The following CDH8 variants were observed in gnomAD, a reference collection of about 807,000 sequenced individuals.
CDH8 encodes the protein cadherin-8.
A neutral mutation model predicts 68.1 loss-of-function variants in CDH8; 17 were observed. The observed-to-expected ratio is 0.25, with a 90% CI of 0.17 to 0.37. CDH8 has a LOEUF of 0.37. Ranked by LOEUF, CDH8 falls within the 10% of genes least tolerant of loss-of-function variation. The pLI is 1.00. For missense variants in CDH8, 763 were observed against 999.3 expected (o/e 0.76, Z 3.19); for synonymous variants, 372 against 365.1 (o/e 1.02, Z -0.21).
chr16:61,815,578 T>G (rs1596991749), intron 7 of CDH8, among the ~76,000 whole-genome samples: 1 of 152,292 alleles, frequency 6.6e-6, no homozygotes, highest in South Asian at 2.1e-4. Context: ...GTAGTCCATG[T>G]TGGGAGCTTA....
intron 2 of CDH8, among the ~76,000 whole-genome samples, chr16:61,903,219 GATT>G (rs763247347): frequency 7.9e-5 from 12 of 152,184 alleles, no homozygotes; most frequent in Non-Finnish European, 1.2e-4. Context: ...AATAGCCTCT[GATT>G]ATTAAATGAT....
intron 4 of CDH8, among the ~76,000 whole-genome samples, chr16:61,837,003 G>T (rs1962582810): frequency 6.6e-6 from 1 of 151,880 alleles, no homozygotes; most frequent in South Asian, 2.1e-4. Context: ...TACCCTCCTT[G>T]ACCCTTTTGT....
chr16:62,021,078 A>T, intron 2 of CDH8, 74 bp downstream of exon 2: 2 of 1,302,264 alleles, frequency 1.5e-6, no homozygotes, highest in Non-Finnish European at 2.2e-6. Context: ...GGTCACAATT[A>T]AAAAGAGTCT....
intron 2 of CDH8, among the ~76,000 whole-genome samples, chr16:61,956,044 CACTTAACTA>C (rs1319886140): frequency 6.6e-6 from 1 of 152,144 alleles, no homozygotes; most frequent in Non-Finnish European, 1.5e-5. Context: ...TGTATCCAAT[CACTTAACTA>C]CATTAGTGTT....
rs77432822 is a variant in CDH8, at chr16:61,789,486, C to G, written c.1278-4G>C. 3.7e-6 allele frequency: 6 copies of G among 1,611,946 alleles called. No individual in the cohort carries two copies. Among genetic ancestry groups the G allele is most frequent in the Non-Finnish European group, 5.1e-6 (6 of 1,178,760 alleles). On this transcript the variant is annotated splice_region_variant and splice_polypyrimidine_tract_variant and intron_variant, in intron 7 of 11. Transcript: ENST00000577390. ...AGTGTGCCGGTCGATGGAAAACCTA[C>G]AAAACAGACACATCTGTAATCTACT...
intron 4 of CDH8, among the ~76,000 whole-genome samples, chr16:61,850,847 C>T (rs561846767): frequency 3.9e-5 from 6 of 152,050 alleles, no homozygotes; most frequent in Non-Finnish European, 5.9e-5. Flanking sequence ...GCAAACATCC[C>T]TATGTCATGA....
At chr16:61,919,722 C>T (rs1015781370) in intron 2 of CDH8, among the ~76,000 whole-genome samples, 8 of 151,870 alleles carry the variant, frequency 5.3e-5, no homozygotes, top group South Asian at 4.2e-4. Flanking sequence ...GAGAATGGAA[C>T]CAAGTTGGAA....
intron 2 of CDH8, among the ~76,000 whole-genome samples, chr16:61,951,129 G>T (rs1364740016): frequency 2.0e-5 from 3 of 150,444 alleles, no homozygotes; most frequent in African/African-American, 7.3e-5. Flanking sequence ...ATCATGGCAG[G>T]TATATTTGAA....
intron 1 of CDH8, among the ~76,000 whole-genome samples, chr16:62,023,089 T>C (rs1902112807): frequency 6.6e-6 from 1 of 152,092 alleles, no homozygotes; most frequent in Non-Finnish European, 1.5e-5. Flanking sequence ...TAAAACAGAT[T>C]CCCCTTAAGT....
chr16:61,990,648 C>CA (rs1965698857), intron 2 of CDH8, among the ~76,000 whole-genome samples: 1 of 151,942 alleles, frequency 6.6e-6, no homozygotes, highest in Non-Finnish European at 1.5e-5. Flanking sequence ...CCTGTGTCTA[C>CA]AAAAATTATT....
intron 4 of CDH8, among the ~76,000 whole-genome samples, chr16:61,854,705 C>T (rs1963009415): frequency 6.6e-6 from 1 of 152,072 alleles, no homozygotes; most frequent in South Asian, 2.1e-4. Context: ...AGGCCATTGC[C>T]TCTTTTTTTC....
At chr16:61,846,483 T>C (rs963445011) in intron 4 of CDH8, among the ~76,000 whole-genome samples, 3 of 152,064 alleles carry the variant, frequency 2.0e-5, no homozygotes, top group Non-Finnish European at 4.4e-5. Flanking sequence ...TAAAAATTAA[T>C]CTAAATGAGA....
In CDH8 at chr16:61,763,846, G is replaced by A. The variant is rs75135762; in HGVS notation, c.1414+25500C>T. Among the ~76,000 whole-genome samples, 3,349 of 152,088 alleles carry A rather than the reference G, an allele frequency of 0.022. 254 individuals carry two copies. In the East Asian group the frequency reaches 0.23, roughly 10 times the overall value. ...TCTGTATAATTTCATAGATCTTTAC[G>A]TGAAGTGATAAATAAATAAGGTTAT... On this transcript the variant is annotated intron_variant, in intron 8 of 11. Coordinates refer to ENST00000577390, the MANE Select transcript of CDH8 (RefSeq NM_001796.5).
chr16:62,020,498 GCACACACACA>G (rs3072068), intron 2 of CDH8, among the ~76,000 whole-genome samples: 5 of 149,656 alleles, frequency 3.3e-5, no homozygotes, highest in Admixed American at 2.7e-4. Context: ...ACGCGCGCGC[GCACACACACA>G]CACACACACA....
At chr16:61,963,065 C>A (rs1965187149) in intron 2 of CDH8, among the ~76,000 whole-genome samples, 1 of 152,112 alleles carries the variant, frequency 6.6e-6, no homozygotes, top group African/African-American at 2.4e-5. Flanking sequence ...TAAATTAATT[C>A]TTCTCTGCCT....
intron 2 of CDH8, among the ~76,000 whole-genome samples, chr16:61,939,980 A>ACTTCT (rs1964686540): frequency 6.6e-6 from 1 of 152,116 alleles, no homozygotes; most frequent in Non-Finnish European, 1.5e-5. Context: ...ACATCAAACC[A>ACTTCT]CTTCCAACAC....
chr16:61,762,755 T>A lies in CDH8; in HGVS notation c.1414+26591A>T, dbSNP rs931608878. ...ACTATTTCATATGAATAAATAGTAT[T>A]AAATGTGTATTATATATGAATAGAG... is the stretch of plus-strand genomic sequence containing the variant. On this transcript the variant is annotated intron_variant, in intron 8 of 11. Transcript: ENST00000577390. Among the ~76,000 whole-genome samples, 10 of 152,308 alleles carry A rather than the reference T, an allele frequency of 6.6e-5. No individual in the cohort carries two copies. In the East Asian group the frequency reaches 1.9e-3, roughly 29 times the overall value.
chr16:61,975,571 A>T (rs2150579535), intron 2 of CDH8, among the ~76,000 whole-genome samples: 1 of 152,326 alleles, frequency 6.6e-6, no homozygotes, highest in Non-Finnish European at 1.5e-5. Context: ...ATGATTAAAT[A>T]GCAGGAATAC....
chr16:61,821,995 C>T (rs1418317548), intron 5 of CDH8, among the ~76,000 whole-genome samples: 1 of 151,822 alleles, frequency 6.6e-6, no homozygotes, highest in Non-Finnish European at 1.5e-5. Flanking sequence ...CACTGAGTGT[C>T]AGGCCAAAAA....
Sources: gnomAD v4.1 joint callset for allele counts (sites outside exome capture counted in the v4.1 genomes callset) on GRCh38, gnomAD v4.1.1 for gene constraint, MANE v1.5 for transcripts, NCBI Gene and HGNC (gene_info 2026-07-23, HGNC 2026-07-21) for gene names.